The following PARN variants were observed in gnomAD, a reference collection of about 807,000 sequenced individuals.
PARN encodes poly(A)-specific ribonuclease, also known as poly(A)-specific ribonuclease PARN.
PARN carries 71 observed loss-of-function variants against 102.8 expected under a neutral mutation model. That is an observed-to-expected ratio of 0.69 (90% CI 0.57 to 0.84). The LOEUF (loss-of-function observed/expected upper bound fraction) is 0.84, where lower values mean the gene tolerates loss of function less well. Ranked by LOEUF, PARN falls within the 40% of genes least tolerant of loss-of-function variation. The probability of loss-of-function intolerance (pLI) is 0.00; values close to 1 mark genes in which losing one functional copy is unlikely to be tolerated. For synonymous variants in PARN, 261 were observed against 252.9 expected, an observed-to-expected ratio of 1.03 and a Z score of -0.30; for missense variants, 782 against 760.9, an observed-to-expected ratio of 1.03 and a Z score of -0.33.
chr16:14,563,516 GTGTGTGTA>G (rs1280529324), intron 18 of PARN, among the ~76,000 whole-genome samples: 21 of 80,266 alleles, frequency 2.6e-4, no homozygotes, highest in African/African-American at 8.9e-4. Context: ...GTGTGTGTGT[GTGTGTGTA>G]TATAATTCTT....
intron 18 of PARN, among the ~76,000 whole-genome samples, chr16:14,576,835 A>C (rs974892239): frequency 6.6e-6 from 1 of 152,208 alleles, no homozygotes; most frequent in African/African-American, 2.4e-5. Flanking sequence ...ACAAAATGGC[A>C]CCATGCAAAA....
At chr16:14,476,485 TA>T (rs1032271409) in intron 22 of PARN, among the ~76,000 whole-genome samples, 6 of 152,184 alleles carry the variant, frequency 3.9e-5, no homozygotes, top group African/African-American at 1.4e-4. Flanking sequence ...GTCTCTGTCA[TA>T]ACTACCCACC....
In PARN at chr16:14,584,884, C is replaced by A. The variant is rs1343825264; in HGVS notation, c.963-93G>T. 1.5e-5 allele frequency: 10 copies of A among 645,496 alleles called. No individual in the cohort carries two copies. The African/African-American group carries it at 1.9e-4, about 13-fold the overall frequency. 40.0% of individuals were successfully genotyped at this position (645,496 alleles called of 1,614,324 possible). On this transcript the variant is annotated intron_variant, in intron 14 of 23. Coordinates refer to ENST00000437198, the MANE Select transcript of PARN (RefSeq NM_002582.4). ...TGTAAGCTACTTAAAATACTTCATA[C>A]ATAAAAAACATAATTAAAACATAAA... is the stretch of plus-strand genomic sequence containing the variant.
At chr16:14,589,322 G>A (rs966686622) in intron 13 of PARN, among the ~76,000 whole-genome samples, 1 of 152,140 alleles carries the variant, frequency 6.6e-6, no homozygotes, top group Admixed American at 6.5e-5. Flanking sequence ...AGCACTTTGG[G>A]AGACTGAGGT....
intron 21 of PARN, among the ~76,000 whole-genome samples, chr16:14,508,278 CCAG>C (rs1964999225): frequency 6.6e-6 from 1 of 151,910 alleles, no homozygotes; most frequent in Non-Finnish European, 1.5e-5. Flanking sequence ...ATCTGTAATC[CCAG>C]CACTTTGAGA....
At chr16:14,447,989 A>G (rs890161415) in intron 22 of PARN, among the ~76,000 whole-genome samples, 1 of 143,884 alleles carries the variant, frequency 7.0e-6, no homozygotes, top group African/African-American at 2.6e-5. Flanking sequence ...TATCTATCTA[A>G]TCTAATTATT....
At chr16:14,579,076 T>C (rs562734079) in intron 18 of PARN, among the ~76,000 whole-genome samples, 1 of 152,038 alleles carries the variant, frequency 6.6e-6, no homozygotes, top group Admixed American at 6.6e-5. Context: ...AGCTTCCGCC[T>C]CCTGGTTTCA....
At chr16:14,563,589 T>C (rs1209508656) in intron 18 of PARN, among the ~76,000 whole-genome samples, 4 of 151,714 alleles carry the variant, frequency 2.6e-5, no homozygotes, top group Non-Finnish European at 5.9e-5. Context: ...ATCTTTTAAA[T>C]TGAGACAGGG....
chr16:14,504,264 T>C (rs919525365), intron 21 of PARN, among the ~76,000 whole-genome samples: 7 of 152,178 alleles, frequency 4.6e-5, no homozygotes, highest in African/African-American at 1.7e-4. Context: ...TTAAAAATTA[T>C]GTGAGGTTGA....
At chr16:14,624,958 G>A (rs749899200) in intron 5 of PARN, among the ~76,000 whole-genome samples, 1 of 152,028 alleles carries the variant, frequency 6.6e-6, no homozygotes, top group Non-Finnish European at 1.5e-5. Flanking sequence ...GCTGACGCAG[G>A]AGAATCACTT....
At chr16:14,603,853 A>C (rs1375053228) in intron 11 of PARN, among the ~76,000 whole-genome samples, 1 of 152,232 alleles carries the variant, frequency 6.6e-6, no homozygotes, top group Non-Finnish European at 1.5e-5. Context: ...TGCAGTATTA[A>C]AGGATAGTGA....
intron 21 of PARN, among the ~76,000 whole-genome samples, chr16:14,544,379 A>T (rs1966862672): frequency 6.6e-6 from 1 of 152,138 alleles, no homozygotes; most frequent in Admixed American, 6.5e-5. Flanking sequence ...GATCGAGATC[A>T]GCCTGGGCAA....
Position 14,555,661 on chromosome 16 carries a change from T to G in PARN, c.1311A>C (p.Gly437=). 7.0e-7 allele frequency: 1 copy of G among 1,437,006 alleles called. No individual in the cohort carries two copies. The highest frequency in any genetic ancestry group is 9.5e-7 in the Non-Finnish European group (1 of 1,050,264). The allele number at this position is 1,437,006 out of a possible 1,614,324, so 89.0% of individuals were successfully genotyped here. ...VMDIPYLNLE[G]PDLQPKRDHV... ...AAATAAAAATTTACTTACAGTCTGG[T>G]CCTTCCAAGTTTAGATAGGGGATAT... is the stretch of plus-strand genomic sequence containing the variant. Residue 437 remains glycine (G), a synonymous_variant, in exon 19 of 24, where the codon GGA becomes GGC. Coordinates refer to ENST00000437198, the MANE Select transcript of PARN (RefSeq NM_002582.4).
rs746946290 is a variant in PARN at position 14,625,484 on chromosome 16, C to T, written c.327+1622G>A. ...CACACTCTAGCCTGGACAAGAAGAGCGAAACTTCATCTCAAGAAAAAAAAG... is the reference window on the plus strand; with the variant it reads ...CACACTCTAGCCTGGACAAGAAGAGTGAAACTTCATCTCAAGAAAAAAAAG... On this transcript the variant is annotated intron_variant, in intron 5 of 23. Coordinates refer to ENST00000437198, the MANE Select transcript of PARN (RefSeq NM_002582.4). 4.6e-5 allele frequency among the ~76,000 whole-genome samples: 7 copies of T among 151,792 alleles called. No homozygotes were observed. The East Asian group carries it at 5.8e-4, about 13-fold the overall frequency.
At chr16:14,607,085 C>T (rs1032993970) in intron 9 of PARN, among the ~76,000 whole-genome samples, 1 of 151,966 alleles carries the variant, frequency 6.6e-6, no homozygotes, top group Non-Finnish European at 1.5e-5. Flanking sequence ...CTGACCAGGA[C>T]TTAGGCACTT....
chr16:14,481,827 T>C (rs1174182590), intron 22 of PARN, among the ~76,000 whole-genome samples: 1 of 152,210 alleles, frequency 6.6e-6, no homozygotes, highest in African/African-American at 2.4e-5. Flanking sequence ...TACCTGTGTT[T>C]TGTAGTTTCA....
chr16:14,569,455 C>T (rs1000015669), intron 18 of PARN, among the ~76,000 whole-genome samples: 5 of 152,096 alleles, frequency 3.3e-5, no homozygotes, highest in African/African-American at 9.7e-5. Flanking sequence ...ACAAATCTCC[C>T]GTCTGGTGGC....
At chr16:14,466,809 A>G (rs1962388040) in intron 22 of PARN, among the ~76,000 whole-genome samples, 1 of 149,334 alleles carries the variant, frequency 6.7e-6, no homozygotes, top group African/African-American at 2.5e-5. Context: ...TTAACCCTGT[A>G]TGTTTCTGAA....
intron 22 of PARN, among the ~76,000 whole-genome samples, chr16:14,479,638 A>C (rs1418780069): frequency 6.6e-6 from 1 of 152,180 alleles, no homozygotes; most frequent in African/African-American, 2.4e-5. Flanking sequence ...AACAGTAATA[A>C]GATAGTGTGG....
Sources: allele counts gnomAD v4.1 joint callset (sites outside exome capture counted in the v4.1 genomes callset), GRCh38; gene constraint gnomAD v4.1.1; transcripts MANE v1.5; gene names NCBI Gene and HGNC (gene_info 2026-07-23, HGNC 2026-07-21).